C12orf75: variants seen among roughly 807,000 people sequenced by gnomAD.
C12orf75 encodes the protein chromosome 12 open reading frame 75.
C12orf75 carries 4 observed loss-of-function variants against 11.4 expected under a neutral mutation model. That is an observed-to-expected ratio of 0.35 (90% CI 0.17 to 0.80). C12orf75 has a LOEUF of 0.80. Among genes scored for constraint, C12orf75 ranks in the 30% least tolerant of loss-of-function variants. The pLI, the probability that C12orf75 is intolerant of heterozygous loss-of-function variation, is 0.52. For missense variants in C12orf75, 89 were observed against 80.4 expected (o/e 1.11, Z -0.41); for synonymous variants, 30 against 30.0 (o/e 1.00, Z 0.00).
chr12:105,337,663 A>G (rs1180244119), intron 1 of C12orf75, among the ~76,000 whole-genome samples: 3 of 152,250 alleles, frequency 2.0e-5, no homozygotes, highest in Non-Finnish European at 2.9e-5. Flanking sequence ...TAGGTTTCAC[A>G]ATACTGATGT....
rs527482100 is a variant in C12orf75, at chr12:105,349,510, ACTTT to A, written c.71+888_71+891del. ...GCTGGCACAGGGAAGAAGTGCCCCC[ACTTT>A]CTTATTGGCTTACACAGATGTGGGG... On this transcript the variant is annotated intron_variant, in intron 2 of 5. Coordinates refer to ENST00000443585, the MANE Select transcript of C12orf75 (RefSeq NM_001145199.2). Among the ~76,000 whole-genome samples the A allele has an allele frequency of 9.9e-5, 15 of 152,282 alleles. No individual in the cohort carries two copies. The East Asian group carries it at 2.9e-3, about 29-fold the overall frequency.
At chr12:105,337,499 CAATT>C (rs1892511727) in intron 1 of C12orf75, among the ~76,000 whole-genome samples, 1 of 151,986 alleles carries the variant, frequency 6.6e-6, no homozygotes, top group South Asian at 2.1e-4. Context: ...GGAATTGGAA[CAATT>C]GATTGGCTGG....
intron 1 of C12orf75, among the ~76,000 whole-genome samples, chr12:105,344,817 C>T (rs1324813524): frequency 2.0e-5 from 3 of 151,936 alleles, no homozygotes; most frequent in Admixed American, 6.5e-5. Flanking sequence ...CTCTGTAAGA[C>T]TTGCAGAGTC....
chr12:105,362,891 T>A (rs77190800), intron 2 of C12orf75, among the ~76,000 whole-genome samples: 1,767 of 152,278 alleles, frequency 0.012, 41 homozygotes, highest in African/African-American at 0.039. Context: ...GTATAAGGAT[T>A]AAATGAACTA....
chr12:105,367,942 T>C (rs999305115), intron 5 of C12orf75, among the ~76,000 whole-genome samples: 2 of 152,122 alleles, frequency 1.3e-5, no homozygotes, highest in South Asian at 2.1e-4. Flanking sequence ...AGAACTCCAG[T>C]AGAGATGGGC....
chr12:105,367,060 G>C (rs983628516), intron 4 of C12orf75, among the ~76,000 whole-genome samples: 1 of 152,178 alleles, frequency 6.6e-6, no homozygotes, highest in African/African-American at 2.4e-5. Context: ...GCAATCTGCT[G>C]TTTAAAGGAA....
chr12:105,335,709 G>A (rs1297362193), intron 1 of C12orf75, among the ~76,000 whole-genome samples: 1 of 150,652 alleles, frequency 6.6e-6, no homozygotes, highest in East Asian at 2.0e-4. Context: ...ACACTTTTTT[G>A]CTGGAGAGCT....
chr12:105,347,839 T>G (rs763817942), intron 1 of C12orf75, among the ~76,000 whole-genome samples: 32 of 152,222 alleles, frequency 2.1e-4, no homozygotes, highest in Non-Finnish European at 4.3e-4. Context: ...GCTAGGCTGG[T>G]GTGTTTGAGG....
At chr12:105,342,657 A>G (rs200431636) in intron 1 of C12orf75, among the ~76,000 whole-genome samples, 1 of 152,116 alleles carries the variant, frequency 6.6e-6, no homozygotes, top group East Asian at 1.9e-4. Context: ...CTTCTAATCA[A>G]GGCTTGGTCT....
chr12:105,357,166 G>A, intron 2 of C12orf75, among the ~76,000 whole-genome samples: 1 of 152,158 alleles, frequency 6.6e-6, no homozygotes, highest in East Asian at 1.9e-4. Context: ...TAAAACAGAA[G>A]GATGCATAAC....
chr12:105,361,418 A>G (rs1016547670), intron 2 of C12orf75, among the ~76,000 whole-genome samples: 2 of 152,208 alleles, frequency 1.3e-5, no homozygotes, highest in African/African-American at 4.8e-5. Flanking sequence ...TCAAATCCCA[A>G]AGACTTAAAG....
intron 2 of C12orf75, among the ~76,000 whole-genome samples, chr12:105,361,652 G>C (rs1286311226): frequency 6.6e-6 from 1 of 152,046 alleles, no homozygotes; most frequent in Non-Finnish European, 1.5e-5. Flanking sequence ...CTTTTACCAG[G>C]GGTCTTTATT....
rs545214514 is a variant in C12orf75 at position 105,331,444 on chromosome 12, C to G, written c.46+507C>G. On this transcript the variant is annotated intron_variant, in intron 1 of 5. Transcript: ENST00000443585. ...GGGTTGGGGAGAACTAGAAGCAGAG[C>G]TGCAAAAACGCATCTGTGTCTGCCT... 2.6e-5 allele frequency among the ~76,000 whole-genome samples: 4 copies of G among 152,146 alleles called. No homozygotes were observed. In the South Asian group the frequency reaches 8.3e-4, roughly 32 times the overall value.
At chr12:105,337,653 T>G (rs10861400) in intron 1 of C12orf75, among the ~76,000 whole-genome samples, 2 of 152,274 alleles carry the variant, frequency 1.3e-5, no homozygotes, top group East Asian at 3.8e-4. Flanking sequence ...GCCAGGTCTT[T>G]AGGTTTCACA....
intron 2 of C12orf75, among the ~76,000 whole-genome samples, chr12:105,356,439 C>CTT (rs77310165): frequency 0.016 from 1,652 of 106,016 alleles, 33 homozygotes; most frequent in African/African-American, 0.038. Flanking sequence ...AGACTACAGG[C>CTT]TTTTTTTTTT....
intron 2 of C12orf75, among the ~76,000 whole-genome samples, chr12:105,357,430 C>CTA (rs1173976274): frequency 6.6e-6 from 1 of 152,170 alleles, no homozygotes; most frequent in Non-Finnish European, 1.5e-5. Flanking sequence ...GTACATATCA[C>CTA]TAAACAGTAT....
At chr12:105,348,486 T>A (rs1428032582) in intron 1 of C12orf75, 116 bp from the exon 2 acceptor site, 19 of 584,908 alleles carry the variant, frequency 3.2e-5, no homozygotes, top group Middle Eastern at 4.5e-4. Flanking sequence ...TTTTTGAAAA[T>A]TTTTTTAAAC....
At chr12:105,331,241 G>A (rs1892418256) in intron 1 of C12orf75, among the ~76,000 whole-genome samples, 1 of 152,026 alleles carries the variant, frequency 6.6e-6, no homozygotes, top group South Asian at 2.1e-4. Context: ...GGGCTCTCCT[G>A]GGGGAGAGGA....
At chr12:105,343,800 T>C (rs1056103144) in intron 1 of C12orf75, among the ~76,000 whole-genome samples, 2 of 152,116 alleles carry the variant, frequency 1.3e-5, no homozygotes, top group Non-Finnish European at 2.9e-5. Context: ...GTAACCACCA[T>C]GTTACCTTGC....
Sources: allele counts gnomAD v4.1 joint callset (sites outside exome capture counted in the v4.1 genomes callset), GRCh38; gene constraint gnomAD v4.1.1; transcripts MANE v1.5; gene names NCBI Gene and HGNC (gene_info 2026-07-23, HGNC 2026-07-21).